C1QTNF3: variants seen among roughly 807,000 people sequenced by gnomAD.
The protein encoded by C1QTNF3 is C1q and TNF related 3.
Under a neutral mutation model 32.6 loss-of-function variants are expected in C1QTNF3, and 26 were observed. That is an observed-to-expected ratio of 0.80 (90% CI 0.58 to 1.11). The LOEUF is 1.11. C1QTNF3 is among the 50% of genes least tolerant of loss of function. The probability of loss-of-function intolerance (pLI) is 0.00; values close to 1 mark genes in which losing one functional copy is unlikely to be tolerated. For synonymous variants in C1QTNF3, 155 were observed against 146.0 expected (o/e 1.06, Z -0.44); for missense variants, 362 against 398.2 (o/e 0.91, Z 0.77).
chr5:34,064,300 T>C, the C1QTNF3 span, among the ~76,000 whole-genome samples: 1 of 152,162 alleles, frequency 6.6e-6, no homozygotes, highest in African/African-American at 2.4e-5. Flanking sequence ...CCAGATGTTA[T>C]AGGATGGTCT....
At chr5:34,238,802 C>G in the C1QTNF3 span, among the ~76,000 whole-genome samples, 3 of 151,984 alleles carry the variant, frequency 2.0e-5, no homozygotes, top group Admixed American at 6.5e-5. Context: ...CAGCTAGGTA[C>G]TATAAAAGGT....
At chr5:34,209,599 AC>A in the C1QTNF3 span, among the ~76,000 whole-genome samples, 1 of 152,094 alleles carries the variant, frequency 6.6e-6, no homozygotes, top group Non-Finnish European at 1.5e-5. Context: ...ATATCTTTAG[AC>A]TATCTCTAGC....
the C1QTNF3 span, among the ~76,000 whole-genome samples, chr5:34,050,618 C>T: frequency 9.2e-5 from 14 of 152,280 alleles, no homozygotes; most frequent in Admixed American, 2.6e-4. Flanking sequence ...TCCTGCCCTT[C>T]GGTTAAAACA....
the C1QTNF3 span, among the ~76,000 whole-genome samples, chr5:34,210,149 T>C: frequency 2.6e-5 from 4 of 152,054 alleles, no homozygotes; most frequent in Non-Finnish European, 5.9e-5. Context: ...ATATTTTAGC[T>C]CACTTTTGAC....
chr5:34,145,678 C>CAAAA, the C1QTNF3 span, among the ~76,000 whole-genome samples: 5 of 96,938 alleles, frequency 5.2e-5, no homozygotes, highest in Non-Finnish European at 8.2e-5. Context: ...AGAGACACAG[C>CAAAA]AAAAAAAAAA....
At chr5:34,234,904 T>C in the C1QTNF3 span, among the ~76,000 whole-genome samples, 2 of 152,162 alleles carry the variant, frequency 1.3e-5, no homozygotes, top group Non-Finnish European at 2.9e-5. Context: ...GCCTTAATTT[T>C]TTTTCTCACA....
the C1QTNF3 span, among the ~76,000 whole-genome samples, chr5:34,244,214 T>C: frequency 8.5e-5 from 13 of 152,300 alleles, no homozygotes; most frequent in African/African-American, 2.2e-4. Flanking sequence ...ATCAGGGACC[T>C]GTGGATTATG....
At chr5:34,054,221 A>T in the C1QTNF3 span, among the ~76,000 whole-genome samples, 1 of 152,212 alleles carries the variant, frequency 6.6e-6, no homozygotes, top group Non-Finnish European at 1.5e-5. Context: ...TCCTCTGGGA[A>T]AATGGATCTT....
the C1QTNF3 span, among the ~76,000 whole-genome samples, chr5:34,238,554 C>T: frequency 2.1e-4 from 32 of 151,666 alleles, no homozygotes; most frequent in African/African-American, 7.3e-4. Context: ...AAGACTGGTT[C>T]GTTCAATCAA....
At chr5:34,056,517 GAGAGAGAGAGAA>G in the C1QTNF3 span, among the ~76,000 whole-genome samples, 79 of 137,506 alleles carry the variant, frequency 5.7e-4, no homozygotes, top group African/African-American at 1.9e-3. Flanking sequence ...GAGAGAGAGA[GAGAGAGAGAGAA>G]AGAGATAGGG....
chr5:34,090,985 T>G, the C1QTNF3 span, among the ~76,000 whole-genome samples: 1 of 152,384 alleles, frequency 6.6e-6, no homozygotes, highest in African/African-American at 2.4e-5. Flanking sequence ...TTCTGTTCAT[T>G]TATGTATTTC....
the C1QTNF3 span, among the ~76,000 whole-genome samples, chr5:34,140,748 A>G: frequency 6.6e-6 from 1 of 152,270 alleles, no homozygotes; most frequent in Non-Finnish European, 1.5e-5. Flanking sequence ...TTAGATTGGA[A>G]AGATGATACA....
the C1QTNF3 span, among the ~76,000 whole-genome samples, chr5:34,205,245 G>A: frequency 1.1e-4 from 17 of 152,156 alleles, no homozygotes; most frequent in Non-Finnish European, 2.2e-4. Context: ...TGGGGGTTTA[G>A]AGATACAGGA....
At chr5:34,037,364 A>G (rs1316208344) in intron 1 of C1QTNF3, among the ~76,000 whole-genome samples, 1 of 152,246 alleles carries the variant, frequency 6.6e-6, no homozygotes. Flanking sequence ...AGGGAGGAAA[A>G]AAGAATTTAA....
the C1QTNF3 span, among the ~76,000 whole-genome samples, chr5:34,065,234 C>T: frequency 1.2e-3 from 185 of 152,206 alleles, 2 homozygotes; most frequent in South Asian, 0.015. Flanking sequence ...GGACAAAGGA[C>T]ATGAACAGAC....
chr5:34,243,435 C>G, the C1QTNF3 span, among the ~76,000 whole-genome samples: 14 of 151,932 alleles, frequency 9.2e-5, no homozygotes, highest in African/African-American at 3.1e-4. Context: ...ACAGAGATAC[C>G]CTTCGACCCA....
At chr5:34,155,082 TGTGGAA>T in the C1QTNF3 span, among the ~76,000 whole-genome samples, 1 of 152,202 alleles carries the variant, frequency 6.6e-6, no homozygotes, top group African/African-American at 2.4e-5. Context: ...TAAAATGGCT[TGTGGAA>T]GTACATTCAG....
chr5:34,187,735 T>C, the C1QTNF3 span, among the ~76,000 whole-genome samples: 2 of 152,312 alleles, frequency 1.3e-5, no homozygotes, highest in African/African-American at 4.8e-5. Flanking sequence ...ACAGAAGAAA[T>C]TTCTAAGCAG....
At chr5:34,103,516 T>C in the C1QTNF3 span, among the ~76,000 whole-genome samples, 1 of 148,836 alleles carries the variant, frequency 6.7e-6, no homozygotes, top group Non-Finnish European at 1.5e-5. Flanking sequence ...TTATCTTTGG[T>C]ATAAAGTTAA....
Sources: gnomAD v4.1 joint callset for allele counts (sites outside exome capture counted in the v4.1 genomes callset) on GRCh38, gnomAD v4.1.1 for gene constraint, MANE v1.5 for transcripts, NCBI Gene and HGNC (gene_info 2026-07-23, HGNC 2026-07-21) for gene names.